PID1: variants seen among roughly 807,000 people sequenced by gnomAD.
The protein encoded by PID1 is phosphotyrosine interaction domain containing 1.
A neutral mutation model predicts 19.1 loss-of-function variants in PID1; 10 were observed. The observed-to-expected ratio is 0.52, with a 90% CI of 0.32 to 0.89. The LOEUF is 0.89. Ranked by LOEUF, PID1 falls within the 40% of genes least tolerant of loss-of-function variation. PID1 has a pLI of 0.03. For missense variants in PID1, 248 were observed against 285.3 expected (o/e 0.87, Z 0.94); for synonymous variants, 130 against 116.0 (o/e 1.12, Z -0.78).
At chr2:229,041,104 T>C (rs1312284540) in intron 2 of PID1, among the ~76,000 whole-genome samples, 1 of 152,160 alleles carries the variant, frequency 6.6e-6, no homozygotes, top group Non-Finnish European at 1.5e-5. Flanking sequence ...CTGCGAGCAG[T>C]AATGTGCCAG....
rs796478930 is a variant in PID1, at chr2:229,259,053, C to T, written c.30+11961G>A. Among the ~76,000 whole-genome samples, 10 of 140,228 alleles carry T rather than the reference C, an allele frequency of 7.1e-5. 1 individual carries two copies. Among genetic ancestry groups the T allele is most frequent in the African/African-American group, 1.7e-4 (7 of 40,274 alleles). 92.0% of individuals were successfully genotyped at this position (140,228 alleles called of 152,430 possible). On this transcript the variant is annotated intron_variant, in intron 1 of 2. Transcript: ENST00000392055. ...CATTCTCATCAACAGTTAGCAAGGT[C>T]GTAGTTTTTTTTTTTTTTTCAGTAG...
intron 2 of PID1, among the ~76,000 whole-genome samples, chr2:229,058,995 A>G (rs771300661): frequency 2.0e-5 from 3 of 152,222 alleles, no homozygotes; most frequent in Non-Finnish European, 4.4e-5. Flanking sequence ...TTCAGTGTCA[A>G]TATAAATTTT....
intron 2 of PID1, among the ~76,000 whole-genome samples, chr2:229,130,718 C>CT (rs1689719758): frequency 1.3e-5 from 2 of 152,340 alleles, no homozygotes; most frequent in South Asian, 4.1e-4. Context: ...TAGCTCGGCT[C>CT]TGATACAAAG....
chr2:229,262,795 A>G (rs1690493190), intron 1 of PID1: 1 of 1,551,472 alleles, frequency 6.4e-7, no homozygotes, highest in Non-Finnish European at 8.7e-7. Flanking sequence ...GTTGCCAGCA[A>G]TCCTTGGCAT....
At chr2:229,099,104 G>T (rs543901906) in intron 2 of PID1, among the ~76,000 whole-genome samples, 1 of 152,092 alleles carries the variant, frequency 6.6e-6, no homozygotes, top group Non-Finnish European at 1.5e-5. Flanking sequence ...AACAATTTTT[G>T]TGTCTTTCAA....
intron 2 of PID1, among the ~76,000 whole-genome samples, chr2:229,103,202 G>T (rs1013247336): frequency 6.6e-6 from 1 of 152,154 alleles, no homozygotes; most frequent in African/African-American, 2.4e-5. Flanking sequence ...ACTTAGGCCT[G>T]GACAGCCTGC....
At chr2:229,255,521 C>A (rs1477890101) in intron 1 of PID1, among the ~76,000 whole-genome samples, 1 of 152,086 alleles carries the variant, frequency 6.6e-6, no homozygotes, top group Non-Finnish European at 1.5e-5. Context: ...TTGAATGGGT[C>A]TTCCATTGGC....
chr2:229,111,987 T>C (rs769538276), intron 2 of PID1, among the ~76,000 whole-genome samples: 61 of 152,294 alleles, frequency 4.0e-4, no homozygotes, highest in Non-Finnish European at 5.0e-4. Flanking sequence ...ATTGCTGTGA[T>C]TGAGGGAAAA....
intron 1 of PID1, among the ~76,000 whole-genome samples, chr2:229,180,745 C>T (rs1268653803): frequency 1.3e-5 from 2 of 152,184 alleles, no homozygotes; most frequent in South Asian, 2.1e-4. Flanking sequence ...TCAGGATTGG[C>T]GTCTTCGTAT....
intron 1 of PID1, among the ~76,000 whole-genome samples, chr2:229,220,460 G>A (rs776050732): frequency 9.2e-5 from 14 of 152,172 alleles, no homozygotes; most frequent in South Asian, 2.1e-4. Context: ...TGGGTTGGAC[G>A]TCAGGACTCC....
intron 1 of PID1, among the ~76,000 whole-genome samples, chr2:229,183,278 G>C (rs759129411): frequency 6.6e-6 from 1 of 152,186 alleles, no homozygotes; most frequent in Non-Finnish European, 1.5e-5. Flanking sequence ...CAGATTCTTC[G>C]TTAGGAACCA....
chr2:229,262,524 G>A (rs562441057), intron 1 of PID1, among the ~76,000 whole-genome samples: 9 of 152,190 alleles, frequency 5.9e-5, no homozygotes, highest in East Asian at 3.9e-4. Context: ...GCATTGTGTC[G>A]CAGTATGTGA....
At chr2:229,191,375 C>T (rs1691257181) in intron 1 of PID1, among the ~76,000 whole-genome samples, 1 of 152,170 alleles carries the variant, frequency 6.6e-6, no homozygotes, top group African/African-American at 2.4e-5. Context: ...TGCCAACACC[C>T]TCTCTCAAGA....
intron 1 of PID1, among the ~76,000 whole-genome samples, chr2:229,213,000 T>C (rs141677033): frequency 1.2e-3 from 176 of 152,112 alleles, no homozygotes; most frequent in African/African-American, 3.9e-3. Context: ...TTAATGATGC[T>C]AGAGGAAGGG....
At chr2:229,071,563 A>G (rs78632752) in intron 2 of PID1, among the ~76,000 whole-genome samples, 2,753 of 152,314 alleles carry the variant, frequency 0.018, 69 homozygotes, top group African/African-American at 0.062. Flanking sequence ...AGTCCATGAT[A>G]TCTTCTATAT....
At chr2:229,174,558 C>T (rs1403171346) in intron 1 of PID1, among the ~76,000 whole-genome samples, 3 of 151,894 alleles carry the variant, frequency 2.0e-5, no homozygotes, top group Non-Finnish European at 2.9e-5. Context: ...TTTACATTAT[C>T]ACCCCCCAAT....
intron 2 of PID1, among the ~76,000 whole-genome samples, chr2:229,115,127 C>A (rs552374569): frequency 1.3e-5 from 2 of 152,090 alleles, no homozygotes; most frequent in Non-Finnish European, 2.9e-5. Flanking sequence ...CCAAAACAAG[C>A]AGCTACACTC....
At chr2:229,171,628 T>C (rs1175643290) in intron 1 of PID1, among the ~76,000 whole-genome samples, 1 of 152,362 alleles carries the variant, frequency 6.6e-6, no homozygotes, top group East Asian at 1.9e-4. Context: ...ATACATTGTT[T>C]AGATGATGTT....
chr2:229,044,331 T>C (rs768945636), intron 2 of PID1, among the ~76,000 whole-genome samples: 10 of 152,148 alleles, frequency 6.6e-5, no homozygotes, highest in South Asian at 2.1e-4. Context: ...AGGCGGATCA[T>C]TGACAGAGCT....
Sources: gnomAD v4.1 joint callset for allele counts (sites outside exome capture counted in the v4.1 genomes callset) on GRCh38, gnomAD v4.1.1 for gene constraint, MANE v1.5 for transcripts, NCBI Gene and HGNC (gene_info 2026-07-23, HGNC 2026-07-21) for gene names.